Variants in AGBL1 observed in about 807,000 individuals in gnomAD.
AGBL1 encodes the protein cytosolic carboxypeptidase 4.
A neutral mutation model predicts 118.9 loss-of-function variants in AGBL1; 130 were observed. The observed-to-expected ratio is 1.09, with a 90% confidence interval of 0.95 to 1.26. The LOEUF is 1.26. AGBL1 is among the 50% of genes most tolerant of loss of function. AGBL1 has a pLI of 0.00. For missense variants in AGBL1, 1,584 were observed against 1,298.1 expected, an observed-to-expected ratio of 1.22 and a Z score of -3.38; for synonymous variants, 555 against 478.9, an observed-to-expected ratio of 1.16 and a Z score of -2.08.
intron 21 of AGBL1, among the ~76,000 whole-genome samples, chr15:86,635,731 T>C (rs2085071699): frequency 6.6e-6 from 1 of 152,072 alleles, no homozygotes; most frequent in Admixed American, 6.5e-5. Context: ...GTTACAAAAG[T>C]GAATATTTAG....
At chr15:86,968,890 G>A (rs952143103) in intron 23 of AGBL1, among the ~76,000 whole-genome samples, 6 of 151,866 alleles carry the variant, frequency 4.0e-5, no homozygotes, top group Admixed American at 1.3e-4. Flanking sequence ...GAAGAGGCAA[G>A]CAAGCTCCCA....
At chr15:86,951,458 CA>C (rs1368502567) in intron 23 of AGBL1, among the ~76,000 whole-genome samples, 2 of 152,168 alleles carry the variant, frequency 1.3e-5, no homozygotes, top group African/African-American at 4.8e-5. Flanking sequence ...TATGTAAAGA[CA>C]TTTTAGTAAA....
intron 22 of AGBL1, among the ~76,000 whole-genome samples, chr15:86,731,041 G>C (rs2077520536): frequency 6.6e-6 from 1 of 152,050 alleles, no homozygotes; most frequent in African/African-American, 2.4e-5. Flanking sequence ...GTGTTGGCCA[G>C]GCTGGTCTCA....
At chr15:86,090,498 T>C (rs1273244611) in intron 1 of AGBL1, among the ~76,000 whole-genome samples, 1 of 152,200 alleles carries the variant, frequency 6.6e-6, no homozygotes, top group Non-Finnish European at 1.5e-5. Flanking sequence ...CACACTGCTA[T>C]TCAATTTGCT....
chr15:86,712,942 T>C (rs887668807), intron 22 of AGBL1, among the ~76,000 whole-genome samples: 4 of 152,146 alleles, frequency 2.6e-5, no homozygotes, highest in African/African-American at 4.8e-5. Flanking sequence ...GTCTGCATGA[T>C]GCGATTTTAA....
chr15:86,388,724 T>C (rs2081233284), intron 17 of AGBL1, among the ~76,000 whole-genome samples: 1 of 152,164 alleles, frequency 6.6e-6, no homozygotes, highest in African/African-American at 2.4e-5. Flanking sequence ...AAAAGAATAT[T>C]GGATTTTGAT....
At chr15:86,606,933 T>C (rs530511033) in intron 21 of AGBL1, among the ~76,000 whole-genome samples, 15 of 152,298 alleles carry the variant, frequency 9.8e-5, no homozygotes, top group Admixed American at 7.9e-4. Flanking sequence ...AGAGTCGTTT[T>C]ACTGCCTTAA....
At chr15:86,843,840 T>G (rs1164468774) in intron 22 of AGBL1, among the ~76,000 whole-genome samples, 2 of 152,190 alleles carry the variant, frequency 1.3e-5, no homozygotes, top group African/African-American at 2.4e-5. Flanking sequence ...AGTTTTAGAA[T>G]ACAGTATTAT....
intron 17 of AGBL1, among the ~76,000 whole-genome samples, chr15:86,345,635 C>T (rs923116575): frequency 3.9e-5 from 6 of 152,170 alleles, no homozygotes; most frequent in African/African-American, 1.4e-4. Context: ...AGAGCAGCTT[C>T]TGAAATCTCT....
chr15:86,253,992 G>C (rs1597628885), intron 7 of AGBL1, among the ~76,000 whole-genome samples: 1 of 152,342 alleles, frequency 6.6e-6, no homozygotes, highest in South Asian at 2.1e-4. Flanking sequence ...GGAGGAATTA[G>C]AGTGTTGATA....
rs541507467 is a variant in AGBL1, at chr15:86,576,137, C to A, written c.2994+21600C>A. 2.6e-5 allele frequency among the ~76,000 whole-genome samples: 4 copies of A among 152,208 alleles called. No homozygotes were observed. In the East Asian group the frequency reaches 7.7e-4, roughly 29 times the overall value. Reference sequence around the variant, plus strand: ...TGCTAACTCCATCATTTATTGACTGCACTTTGGGTAAATTATTTATGCTTT... The same window carrying A: ...TGCTAACTCCATCATTTATTGACTGAACTTTGGGTAAATTATTTATGCTTT... On this transcript the variant is annotated intron_variant, in intron 21 of 22. Transcript: ENST00000614907.
At chr15:86,256,124 G>A (rs2078891374) in intron 7 of AGBL1, among the ~76,000 whole-genome samples, 1 of 152,234 alleles carries the variant, frequency 6.6e-6, no homozygotes, top group African/African-American at 2.4e-5. Context: ...TTTTGCCAAA[G>A]AGATACTGAA....
intron 23 of AGBL1, among the ~76,000 whole-genome samples, chr15:86,980,885 CTTTTTTTT>C (rs36077192): frequency 1.7e-5 from 2 of 118,986 alleles, no homozygotes; most frequent in African/African-American, 6.7e-5. Flanking sequence ...CAGAAACATC[CTTTTTTTT>C]TTTTTTTTTT....
chr15:86,243,697 C>A (rs965527538), intron 6 of AGBL1, among the ~76,000 whole-genome samples: 6 of 152,132 alleles, frequency 3.9e-5, no homozygotes, highest in Middle Eastern at 3.4e-3. Flanking sequence ...CCATCCCCAT[C>A]CTCCAACCAG....
intron 24 of AGBL1, among the ~76,000 whole-genome samples, chr15:87,005,428 G>A (rs538613863): frequency 4.0e-5 from 6 of 151,734 alleles, no homozygotes; most frequent in South Asian, 2.1e-4. Flanking sequence ...TTCTCACTTC[G>A]TTTCATTCAT....
At chr15:86,503,754 C>G (rs1488095675) in intron 18 of AGBL1, among the ~76,000 whole-genome samples, 1 of 151,262 alleles carries the variant, frequency 6.6e-6, no homozygotes, top group East Asian at 1.9e-4. Flanking sequence ...CTTCCCTCTG[C>G]TATTGGTATC....
rs1014698527 is a variant in AGBL1 at position 86,084,779 on chromosome 15, A to T, written c.51+4756A>T. 3.3e-5 allele frequency among the ~76,000 whole-genome samples: 5 copies of T among 152,216 alleles called. No homozygotes were observed. In the East Asian group the frequency reaches 9.7e-4, roughly 29 times the overall value. The stretch of plus-strand genomic sequence containing the variant: ...AATATTTTGGATTTGGGTCAACTGG[A>T]TGTTTTCAATATCCATCTATCCATC... On this transcript the variant is annotated intron_variant, in intron 1 of 22. Transcript: ENST00000614907.
At chr15:86,498,206 A>G (rs2082876732) in intron 18 of AGBL1, among the ~76,000 whole-genome samples, 1 of 151,788 alleles carries the variant, frequency 6.6e-6, no homozygotes, top group Non-Finnish European at 1.5e-5. Flanking sequence ...TTTATAATTG[A>G]CCCCCAATTC....
chr15:86,988,996 CTTT>C (rs762271338), intron 24 of AGBL1, among the ~76,000 whole-genome samples: 27 of 114,322 alleles, frequency 2.4e-4, no homozygotes, highest in Non-Finnish European at 2.9e-4. Context: ...TTTCCCCCTG[CTTT>C]TTTTTTTTTT....
Sources: allele counts gnomAD v4.1 joint callset (sites outside exome capture counted in the v4.1 genomes callset), GRCh38; gene constraint gnomAD v4.1.1; transcripts MANE v1.5; gene names NCBI Gene and HGNC (gene_info 2026-07-23, HGNC 2026-07-21).